The following RRM1 variants were observed in gnomAD, a reference collection of about 807,000 sequenced individuals.
The protein encoded by RRM1 is ribonucleotide reductase catalytic subunit M1, also known as ribonucleoside-diphosphate reductase large subunit.
RRM1 carries 19 observed loss-of-function variants against 101.5 expected under a neutral mutation model. That is an observed-to-expected ratio of 0.19 (90% CI 0.13 to 0.27). The LOEUF is 0.27. RRM1 is among the 10% of genes least tolerant of loss of function. The pLI, the probability that RRM1 is intolerant of heterozygous loss-of-function variation, is 1.00. For missense variants in RRM1, 500 were observed against 962.9 expected, an observed-to-expected ratio of 0.52 and a Z score of 6.36; for synonymous variants, 298 against 323.4, an observed-to-expected ratio of 0.92 and a Z score of 0.84.
At chr11:4,107,379 T>C (rs960196088) in intron 3 of RRM1, 56 bp from the exon 4 acceptor site, 38 of 1,173,656 alleles carry the variant, frequency 3.2e-5, no homozygotes, top group East Asian at 7.0e-5. Context: ...TACCTAAAGA[T>C]TGAATTAGCT....
In RRM1 at chr11:4,107,055, G is replaced by A. The variant is rs147109081; in HGVS notation, c.287-380G>A. Among the ~76,000 whole-genome samples, 607 of 152,008 alleles carry A rather than the reference G, an allele frequency of 4.0e-3. 5 individuals are homozygous for A. Among genetic ancestry groups the A allele is most frequent in the South Asian group, 0.04 (191 of 4,808 alleles). ...ACTACAGGCTCCCATCACCACGCCC[G>A]GCTAATTTTTTGTATTTTTAGTAGA... On this transcript the variant is annotated intron_variant, in intron 3 of 18. Coordinates refer to ENST00000300738, the MANE Select transcript of RRM1 (RefSeq NM_001033.5).
chr11:4,117,093 T>C (rs191673295), intron 7 of RRM1, among the ~76,000 whole-genome samples: 172 of 152,194 alleles, frequency 1.1e-3, no homozygotes, highest in African/African-American at 4.1e-3. Context: ...TGTTAAACTG[T>C]GCAATAGGAA....
Position 4,101,905 on chromosome 11 carries a change from A to C in RRM1, c.20-88A>C, listed in dbSNP as rs575874209. The C allele has an allele frequency of 1.3e-4, 94 of 736,550 alleles. 2 individuals carry two copies. In the African/African-American group the frequency reaches 1.6e-3, roughly 13 times the overall value. 45.6% of individuals were successfully genotyped at this position (736,550 alleles called of 1,614,324 possible). A position where few individuals can be genotyped will look rare whatever the true frequency, so the allele number is the denominator to read the frequency against. ...TAGCACTTCATGTTGGTCAATTTAC[A>C]TGTTAATTACATTTGATTCTTTGAC... On this transcript the variant is annotated intron_variant, in intron 1 of 18. Transcript: ENST00000300738.
intron 7 of RRM1, among the ~76,000 whole-genome samples, chr11:4,115,261 T>C (rs1274868741): frequency 6.6e-6 from 1 of 152,166 alleles, no homozygotes; most frequent in Non-Finnish European, 1.5e-5. Flanking sequence ...GTGGTCTTTG[T>C]AGAGATGATA....
rs956923895 is a variant in RRM1 at position 4,098,446 on chromosome 11, T to C, written c.19+3415T>C. On this transcript the variant is annotated intron_variant, in intron 1 of 18. Transcript: ENST00000300738. The stretch of plus-strand genomic sequence containing the variant: ...CCTTCCTTCCTTCCTTCCTATTCCA[T>C]TCACAGCCTGCTAATATTATTTTAC... Among the ~76,000 whole-genome samples the C allele has an allele frequency of 3.2e-4, 13 of 40,410 alleles. 1 individual carries two copies. The highest frequency in any genetic ancestry group is 6.5e-4 in the African/African-American group (13 of 20,044). The allele number at this position is 40,410 out of a possible 152,430, so 26.5% of individuals were successfully genotyped here. A position where few individuals can be genotyped will look rare whatever the true frequency, so the allele number is the denominator to read the frequency against.
chr11:4,101,880 T>TC lies in RRM1; in HGVS notation c.20-113_20-112insC, dbSNP rs1194242172. 1.1e-5 allele frequency: 7 copies of TC among 639,244 alleles called. No homozygotes were observed. In the East Asian group the frequency reaches 1.9e-4, roughly 17 times the overall value. 39.6% of individuals were successfully genotyped at this position (639,244 alleles called of 1,614,324 possible). On this transcript the variant is annotated intron_variant, in intron 1 of 18. Coordinates refer to ENST00000300738, the MANE Select transcript of RRM1 (RefSeq NM_001033.5). ...GGGGGCCTCAATCTTTTCTGTGAAA[T>TC]AGCACTTCATGTTGGTCAATTTACA...
chr11:4,118,039 A>G (rs1254936415), intron 7 of RRM1, among the ~76,000 whole-genome samples: 3 of 152,232 alleles, frequency 2.0e-5, no homozygotes, highest in Non-Finnish European at 4.4e-5. Flanking sequence ...CAGTCTGGTG[A>G]AAATGTAAGC....
Position 4,112,013 on chromosome 11 carries a change from G to C in RRM1, c.601G>C (p.Ala201Pro). Residue 201 changes from alanine (A) to proline (P), a missense_variant, in exon 7 of 19, where the codon GCT becomes CCT. Around this residue, in one of 9 missense-constraint regions of RRM1, gnomAD observed 111 missense variants for 219.8 expected, o/e 0.51. Coordinates refer to ENST00000300738, the MANE Select transcript of RRM1 (RefSeq NM_001033.5). Reference sequence around the variant, plus strand: ...TCTTTCTGAGAGGTGGTTTACTCATGCTTCGCCCACTCTCTTCAATGCTGG... The same window carrying C: ...TCTTTCTGAGAGGTGGTTTACTCATCCTTCGCCCACTCTCTTCAATGCTGG... ...NLLSERWFTH[A>P]SPTLFNAGTN... 1.2e-6 allele frequency: 2 copies of C among 1,614,158 alleles called. No homozygotes were observed. The highest frequency in any genetic ancestry group is 8.5e-7 in the Non-Finnish European group (1 of 1,180,018).
chr11:4,118,755 TAA>T (rs1285796771), intron 8 of RRM1, among the ~76,000 whole-genome samples: 1 of 152,216 alleles, frequency 6.6e-6, no homozygotes, highest in Non-Finnish European at 1.5e-5. Flanking sequence ...TACTGTATGT[TAA>T]GTTTGTTATA....
Position 4,115,191 on chromosome 11 carries a change from A to C in RRM1, c.650+3129A>C, listed in dbSNP as rs559071617. Reference sequence around the variant, plus strand: ...TAAAATTCATGTGAAAGAGCAAAAGACTGCCCAAAAATGTCAGGTCGAAAT... The same window carrying C: ...TAAAATTCATGTGAAAGAGCAAAAGCCTGCCCAAAAATGTCAGGTCGAAAT... On this transcript the variant is annotated intron_variant, in intron 7 of 18. Transcript: ENST00000300738. Among the ~76,000 whole-genome samples, 3 of 152,214 alleles carry C rather than the reference A, an allele frequency of 2.0e-5. No individual in the cohort carries two copies. In the South Asian group the frequency reaches 6.2e-4, roughly 32 times the overall value.
chr11:4,108,597 C>CAAAAAAAAAAAAAAAAAAA, intron 4 of RRM1, among the ~76,000 whole-genome samples: 1 of 72,984 alleles, frequency 1.4e-5, no homozygotes, highest in Non-Finnish European at 2.4e-5. Flanking sequence ...GACTCAGTCT[C>CAAAAAAAAAAAAAAAAAAA]AAAAAAAAAA....
intron 2 of RRM1, among the ~76,000 whole-genome samples, chr11:4,102,451 A>T: frequency 6.6e-6 from 1 of 152,174 alleles, no homozygotes; most frequent in East Asian, 1.9e-4. Flanking sequence ...TGAGGTCAGG[A>T]GTTCAAGACC....
intron 18 of RRM1, 157 bp from the exon 19 acceptor site, chr11:4,138,038 T>A: frequency 6.0e-5 from 1 of 16,762 alleles, no homozygotes. Flanking sequence ...GAGGCGCCCC[T>A]CACCTCCCGG....
chr11:4,122,299 AC>A, intron 11 of RRM1, 79 bp downstream of exon 11: 1 of 1,055,242 alleles, frequency 9.5e-7, no homozygotes, highest in Non-Finnish European at 1.4e-6. Flanking sequence ...TATCAAAAGT[AC>A]TTGTCAAGAA....
intron 15 of RRM1, among the ~76,000 whole-genome samples, chr11:4,130,895 A>G (rs1364995326): frequency 6.6e-6 from 1 of 152,214 alleles, no homozygotes; most frequent in Non-Finnish European, 1.5e-5. Context: ...ATGAGGAAGT[A>G]AAGACATGAA....
intron 12 of RRM1, among the ~76,000 whole-genome samples, 166 bp from the exon 13 acceptor site, chr11:4,126,518 A>G (rs1474791935): frequency 2.0e-5 from 3 of 152,232 alleles, no homozygotes; most frequent in Non-Finnish European, 4.4e-5. Context: ...AAGAAATAGA[A>G]TCAGTGGGAT....
chr11:4,099,295 A>ATTTTCTTTTTT (rs779256993), intron 1 of RRM1: 1 of 76,974 alleles, frequency 1.3e-5, no homozygotes, highest in Non-Finnish European at 2.2e-5. Flanking sequence ...TACCCAGCTA[A>ATTTTCTTTTTT]TTTTTTTTTT....
intron 5 of RRM1, among the ~76,000 whole-genome samples, chr11:4,110,494 A>T (rs12292367): frequency 6.6e-6 from 1 of 151,896 alleles, no homozygotes; most frequent in Non-Finnish European, 1.5e-5. Context: ...CAGGCTGGGC[A>T]TGGTGGCTTA....
At position 4,107,424 on chromosome 11, in the gene RRM1, G is replaced by C. The variant is rs368534503; in HGVS notation, c.287-11G>C. 24 of 1,554,480 alleles carry C rather than the reference G, an allele frequency of 1.5e-5. No homozygotes were observed. The African/African-American group carries it at 2.4e-4, about 16-fold the overall frequency. ...TCTTGATATATTTTCATTTTTTGTT[G>C]TATTTTTTAGATGTGATGGAAGACC... On this transcript the variant is annotated splice_polypyrimidine_tract_variant and intron_variant, in intron 3 of 18. Transcript: ENST00000300738.
Sources: allele counts gnomAD v4.1 joint callset (sites outside exome capture counted in the v4.1 genomes callset), GRCh38; gene constraint gnomAD v4.1.1; regional missense constraint gnomAD v4.1.1; transcripts MANE v1.5; gene names NCBI Gene and HGNC (gene_info 2026-07-23, HGNC 2026-07-21).